The following ELF2 variants were observed in gnomAD, a reference collection of about 807,000 sequenced individuals.
ELF2 encodes ETS-related transcription factor Elf-2.
Under a neutral mutation model 54.8 loss-of-function variants are expected in ELF2, and 11 were observed. The observed-to-expected ratio is 0.20, with a 90% CI of 0.13 to 0.33. The LOEUF (loss-of-function observed/expected upper bound fraction) is 0.33. Among genes scored for constraint, ELF2 ranks in the 10% least tolerant of loss-of-function variants. ELF2 has a pLI of 1.00. For synonymous variants in ELF2, 203 were observed against 245.1 expected, an observed-to-expected ratio of 0.83 and a Z score of 1.61; for missense variants, 513 against 703.0, an observed-to-expected ratio of 0.73 and a Z score of 3.06.
At chr4:139,072,723 CAATTA>C in intron 5 of ELF2, among the ~76,000 whole-genome samples, 1 of 152,208 alleles carries the variant, frequency 6.6e-6, no homozygotes, top group East Asian at 1.9e-4. Flanking sequence ...ATTTCTATTT[CAATTA>C]AGAGATACAA....
chr4:139,153,932 CT>C (rs1423256963), intron 1 of ELF2, among the ~76,000 whole-genome samples: 3 of 152,122 alleles, frequency 2.0e-5, no homozygotes, highest in Non-Finnish European at 4.4e-5. Flanking sequence ...TGACCATACT[CT>C]CCCCCTCTTT....
At chr4:139,145,262 A>T (rs1397901388) in intron 1 of ELF2, among the ~76,000 whole-genome samples, 1 of 152,226 alleles carries the variant, frequency 6.6e-6, no homozygotes, top group Non-Finnish European at 1.5e-5. Flanking sequence ...CACTACGGCT[A>T]TTTACAACCA....
At chr4:139,073,722 G>A (rs933461315) in intron 4 of ELF2, 155 bp from the exon 5 acceptor site, 33 of 386,164 alleles carry the variant, frequency 8.5e-5, no homozygotes, top group Admixed American at 2.7e-4. Context: ...ATATCTATTC[G>A]TCTATATAAA....
intron 3 of ELF2, among the ~76,000 whole-genome samples, chr4:139,125,813 A>C (rs763279880): frequency 2.0e-5 from 3 of 151,718 alleles, no homozygotes; most frequent in Non-Finnish European, 4.4e-5. Flanking sequence ...CTGAGAAACA[A>C]CACACTGTAC....
intron 4 of ELF2, among the ~76,000 whole-genome samples, chr4:139,092,509 C>A (rs13106405): frequency 6.6e-6 from 1 of 151,442 alleles, no homozygotes; most frequent in African/African-American, 2.4e-5. Flanking sequence ...TCTAATCCCA[C>A]CACTTTGAGA....
chr4:139,057,488 T>C lies in ELF2; in HGVS notation c.*1495A>G, dbSNP rs140014489. 2 of 152,346 alleles carry C rather than the reference T, an allele frequency of 1.3e-5. No homozygotes were observed. Among genetic ancestry groups the C allele is most frequent in the East Asian group, 1.9e-4 (1 of 5,194 alleles). 9.4% of individuals were successfully genotyped at this position (152,346 alleles called of 1,614,324 possible). On this transcript the variant is annotated 3_prime_UTR_variant, in exon 10 of 10. Coordinates refer to ENST00000686138, the MANE Select transcript of ELF2 (RefSeq NM_001331036.3). ...AGTGACAGACAGTAGTAAAATTACATAGTTTATGTAATCCTTCAGATACCT... is the reference window on the plus strand; with the variant it reads ...AGTGACAGACAGTAGTAAAATTACACAGTTTATGTAATCCTTCAGATACCT...
intron 1 of ELF2, among the ~76,000 whole-genome samples, chr4:139,139,953 G>A (rs2148865199): frequency 6.6e-6 from 1 of 152,070 alleles, no homozygotes; most frequent in African/African-American, 2.4e-5. Flanking sequence ...TTTAGAGTTG[G>A]GGTCTCACTC....
intron 4 of ELF2, among the ~76,000 whole-genome samples, chr4:139,112,333 T>A (rs1411533382): frequency 6.6e-6 from 1 of 152,232 alleles, no homozygotes; most frequent in Non-Finnish European, 1.5e-5. Context: ...AATCCTATCA[T>A]AATTCTCATC....
At chr4:139,141,968 A>G (rs1308553110) in intron 1 of ELF2, among the ~76,000 whole-genome samples, 5 of 152,226 alleles carry the variant, frequency 3.3e-5, no homozygotes, top group Admixed American at 6.5e-5. Context: ...CAAGCACTCC[A>G]TTCATTAATT....
intron 4 of ELF2, among the ~76,000 whole-genome samples, chr4:139,092,445 A>C (rs1732764761): frequency 1.3e-5 from 2 of 150,506 alleles, no homozygotes; most frequent in East Asian, 3.9e-4. Flanking sequence ...ACATAACATA[A>C]CATAACATAA....
chr4:139,061,356 G>A (rs1305178768), intron 8 of ELF2, among the ~76,000 whole-genome samples: 2 of 151,888 alleles, frequency 1.3e-5, no homozygotes, highest in Non-Finnish European at 2.9e-5. Context: ...TGTATTTTTA[G>A]TAGAGACAGG....
intron 4 of ELF2, among the ~76,000 whole-genome samples, chr4:139,080,224 T>C (rs1245268063): frequency 6.6e-6 from 1 of 152,230 alleles, no homozygotes; most frequent in Non-Finnish European, 1.5e-5. Context: ...ACTCAGTTTT[T>C]ACATGAATTT....
intron 1 of ELF2, among the ~76,000 whole-genome samples, chr4:139,166,938 G>C (rs1741788304): frequency 6.6e-6 from 1 of 152,050 alleles, no homozygotes; most frequent in Non-Finnish European, 1.5e-5. Context: ...AAACACTGTT[G>C]GTTCTTTACT....
intron 4 of ELF2, among the ~76,000 whole-genome samples, chr4:139,106,097 T>C (rs899064369): frequency 3.9e-5 from 6 of 152,210 alleles, no homozygotes; most frequent in African/African-American, 1.4e-4. Context: ...GTCATGGAGA[T>C]AGAAGGGATC....
intron 4 of ELF2, among the ~76,000 whole-genome samples, chr4:139,095,083 TC>T (rs1178479781): frequency 6.6e-6 from 1 of 152,150 alleles, no homozygotes; most frequent in Non-Finnish European, 1.5e-5. Context: ...TGCCTTTTTT[TC>T]CCCGTCTCAT....
intron 7 of ELF2, 113 bp from the exon 8 acceptor site, chr4:139,062,170 T>G (rs1727959747): frequency 8.7e-7 from 1 of 1,153,530 alleles, no homozygotes; most frequent in African/African-American, 1.6e-5. Context: ...TATACTTGTT[T>G]CTACTTTTTT....
chr4:139,166,639 T>C (rs1287812114), intron 1 of ELF2, among the ~76,000 whole-genome samples: 1 of 151,974 alleles, frequency 6.6e-6, no homozygotes, highest in Non-Finnish European at 1.5e-5. Context: ...GAGGCCGAGG[T>C]GGGCGGATCA....
intron 1 of ELF2, among the ~76,000 whole-genome samples, chr4:139,170,440 T>G (rs1024743613): frequency 6.6e-6 from 1 of 151,432 alleles, no homozygotes; most frequent in Non-Finnish European, 1.5e-5. Context: ...ATTTTTGTAT[T>G]TTTAGTAGAG....
intron 1 of ELF2, among the ~76,000 whole-genome samples, chr4:139,151,049 A>AAAGC (rs1334035288): frequency 1.1e-5 from 1 of 90,414 alleles, no homozygotes; most frequent in Non-Finnish European, 2.6e-5. Context: ...AGAAAGAAAG[A>AAAGC]AAGAAAGAAA....
Sources: allele counts gnomAD v4.1 joint callset (sites outside exome capture counted in the v4.1 genomes callset), GRCh38; gene constraint gnomAD v4.1.1; transcripts MANE v1.5; gene names NCBI Gene and HGNC (gene_info 2026-07-23, HGNC 2026-07-21).